Variants in PTPRD observed in about 807,000 individuals in gnomAD.
PTPRD encodes receptor-type tyrosine-protein phosphatase delta.
Under a neutral mutation model 214.5 loss-of-function variants are expected in PTPRD, and 34 were observed. The ratio of observed to expected loss-of-function variants is 0.16; its 90% CI spans 0.12 to 0.21. PTPRD has a LOEUF of 0.21. Ranked by LOEUF, PTPRD falls within the 10% of genes least tolerant of loss-of-function variation. The pLI is 1.00. For synonymous variants in PTPRD, 1,128 were observed against 845.7 expected (o/e 1.33, Z -5.79); for missense variants, 2,545 against 2,398.7 (o/e 1.06, Z -1.27).
chr9:10,546,940 C>T (rs1323411240), intron 2 of PTPRD, among the ~76,000 whole-genome samples: 1 of 152,024 alleles, frequency 6.6e-6, no homozygotes, highest in African/African-American at 2.4e-5. Flanking sequence ...TTGACCAGCA[C>T]TGTACAGGTA....
chr9:8,713,684 A>G (rs1465424050), intron 12 of PTPRD: 4 of 1,512,498 alleles, frequency 2.6e-6, no homozygotes, highest in Non-Finnish European at 3.6e-6. Flanking sequence ...CACTCCATTC[A>G]GATCATGATG....
chr9:9,140,992 T>G (rs2099859409), intron 10 of PTPRD, among the ~76,000 whole-genome samples: 1 of 152,152 alleles, frequency 6.6e-6, no homozygotes, highest in South Asian at 2.1e-4. Context: ...TATGATTGAG[T>G]GCCAAAGACA....
intron 32 of PTPRD, 148 bp downstream of exon 32, chr9:8,465,318 T>A: frequency 2.9e-6 from 2 of 700,754 alleles, no homozygotes; most frequent in Non-Finnish European, 4.7e-6. Context: ...TGAGCAATGT[T>A]CAAAGAGTAG....
At chr9:10,113,159 T>G (rs1249505801) in intron 3 of PTPRD, among the ~76,000 whole-genome samples, 1 of 152,212 alleles carries the variant, frequency 6.6e-6, no homozygotes, top group African/African-American at 2.4e-5. Context: ...CATGGGCTCA[T>G]TACAAAGAGT....
At chr9:8,671,924 G>A (rs555213095) in intron 12 of PTPRD, among the ~76,000 whole-genome samples, 1 of 152,172 alleles carries the variant, frequency 6.6e-6, no homozygotes, top group African/African-American at 2.4e-5. Flanking sequence ...TGTTGGAAAA[G>A]ATACATTCTT....
intron 11 of PTPRD, among the ~76,000 whole-genome samples, chr9:8,802,431 G>A (rs954517241): frequency 6.6e-6 from 1 of 152,072 alleles, no homozygotes; most frequent in African/African-American, 2.4e-5. Flanking sequence ...ATTCACAATC[G>A]CCTTCCTTAA....
intron 3 of PTPRD, among the ~76,000 whole-genome samples, chr9:10,268,054 A>G (rs1211765116): frequency 6.6e-6 from 1 of 151,664 alleles, no homozygotes; most frequent in African/African-American, 2.4e-5. Context: ...GCTGTGGCAG[A>G]ATTGTTGGAG....
chr9:9,473,659 A>AT (rs2146653135), intron 8 of PTPRD, among the ~76,000 whole-genome samples: 1 of 152,188 alleles, frequency 6.6e-6, no homozygotes, highest in African/African-American at 2.4e-5. Flanking sequence ...CATTCTCTTG[A>AT]TGATGGCCAT....
At chr9:9,800,612 G>A (rs2153506589) in intron 5 of PTPRD, 1 of 152,300 alleles carries the variant, frequency 6.6e-6, no homozygotes, top group Non-Finnish European at 1.5e-5. Flanking sequence ...ATTGTCTATA[G>A]ACCATGAGGT....
chr9:9,580,148 G>A (rs2090283745), intron 7 of PTPRD, among the ~76,000 whole-genome samples: 2 of 152,002 alleles, frequency 1.3e-5, no homozygotes, highest in South Asian at 2.1e-4. Flanking sequence ...CTTTGCTATT[G>A]TGAATAGAAC....
intron 2 of PTPRD, among the ~76,000 whole-genome samples, chr9:10,363,160 C>T (rs909915226): frequency 6.6e-6 from 1 of 152,104 alleles, no homozygotes; most frequent in Non-Finnish European, 1.5e-5. Flanking sequence ...ATTTATACAA[C>T]AAATTGTGAA....
Position 8,527,357 on chromosome 9 carries a change from G to T in PTPRD, c.542-4C>A, listed in dbSNP as rs775185605. On this transcript the variant is annotated splice_polypyrimidine_tract_variant and splice_region_variant and intron_variant, in intron 15 of 45. Coordinates refer to ENST00000381196, the MANE Select transcript of PTPRD (RefSeq NM_002839.4). ...ACTAAGCACTTACCAATAGATTCTGGAGATTTAAATACGGAGAGAAGAAAG... is the reference window on the plus strand; with the variant it reads ...ACTAAGCACTTACCAATAGATTCTGTAGATTTAAATACGGAGAGAAGAAAG... 1 of 1,606,772 alleles carries T rather than the reference G, an allele frequency of 6.2e-7. No homozygotes were observed. The highest frequency in any genetic ancestry group is 1.7e-5 in the Admixed American group (1 of 59,840).
At chr9:9,896,705 G>A (rs528261246) in intron 5 of PTPRD, among the ~76,000 whole-genome samples, 5 of 151,998 alleles carry the variant, frequency 3.3e-5, no homozygotes, top group South Asian at 4.1e-4. Flanking sequence ...ATACTTTAAA[G>A]AACATATCAG....
intron 35 of PTPRD, among the ~76,000 whole-genome samples, chr9:8,407,501 A>G (rs1440557177): frequency 1.3e-5 from 2 of 152,202 alleles, no homozygotes; most frequent in African/African-American, 4.8e-5. Flanking sequence ...GATAATTAAC[A>G]GCTGGTAACG....
At position 9,333,504 on chromosome 9, in the gene PTPRD, T is replaced by TATATATATATATATATATATATATA. The variant is rs1555249397; in HGVS notation, c.-203+63944_-203+63945insTATATATATATATATATATATATAT. Among the ~76,000 whole-genome samples the TATATATATATATATATATATATATA allele has an allele frequency of 2.7e-3, 365 of 137,138 alleles. 15 individuals carry two copies. Among genetic ancestry groups the TATATATATATATATATATATATATA allele is most frequent in the African/African-American group, 0.01 (352 of 34,200 alleles). 90.0% of individuals were successfully genotyped at this position (137,138 alleles called of 152,430 possible). A position where few individuals can be genotyped will look rare whatever the true frequency, so the allele number is the denominator to read the frequency against. On this transcript the variant is annotated intron_variant, in intron 9 of 45. Transcript: ENST00000381196. ...TAAAACATATATATTATATAGTATA[T>TATATATATATATATATATATATATA]TATATATATATATATATATATAAAG...
intron 9 of PTPRD, among the ~76,000 whole-genome samples, chr9:9,236,773 A>G (rs1173479304): frequency 6.6e-6 from 1 of 151,856 alleles, no homozygotes; most frequent in Non-Finnish European, 1.5e-5. Flanking sequence ...GCAGGCAGCC[A>G]ACCATAAGGT....
intron 5 of PTPRD, among the ~76,000 whole-genome samples, chr9:9,937,941 C>G (rs182579732): frequency 6.6e-6 from 1 of 152,274 alleles, no homozygotes; most frequent in Non-Finnish European, 1.5e-5. Context: ...GGTACAGACT[C>G]AGAGTGGATC....
intron 2 of PTPRD, among the ~76,000 whole-genome samples, chr9:10,557,083 T>C (rs760885336): frequency 5.9e-5 from 9 of 152,064 alleles, no homozygotes; most frequent in Non-Finnish European, 1.3e-4. Flanking sequence ...TAATTGAAAT[T>C]ACACCATGGC....
intron 14 of PTPRD, among the ~76,000 whole-genome samples, chr9:8,610,185 C>T (rs370869955): frequency 1.2e-4 from 19 of 152,282 alleles, no homozygotes; most frequent in African/African-American, 4.3e-4. Context: ...GCAAACACTG[C>T]TCTTTCTGAA....
Sources: allele counts gnomAD v4.1 joint callset (sites outside exome capture counted in the v4.1 genomes callset), GRCh38; gene constraint gnomAD v4.1.1; transcripts MANE v1.5; gene names NCBI Gene and HGNC (gene_info 2026-07-23, HGNC 2026-07-21).